PRRC2B: variants seen among roughly 807,000 people sequenced by gnomAD.
The protein encoded by PRRC2B is protein PRRC2B.
Under a neutral mutation model 242.3 loss-of-function variants are expected in PRRC2B, and 68 were observed. The ratio of observed to expected loss-of-function variants is 0.28; its 90% CI spans 0.23 to 0.34. The LOEUF (loss-of-function observed/expected upper bound fraction) is 0.34, where lower values mean the gene tolerates loss of function less well. PRRC2B is among the 10% of genes least tolerant of loss of function. The pLI is 1.00. For synonymous variants in PRRC2B, 1,228 were observed against 1,173.6 expected (o/e 1.05, Z -0.95); for missense variants, 2,835 against 2,954.8 (o/e 0.96, Z 0.94).
chr9:131,477,972 G>A, intron 17 of PRRC2B, 23 bp downstream of exon 17: 1 of 1,607,040 alleles, frequency 6.2e-7, no homozygotes, highest in Middle Eastern at 1.7e-4. Flanking sequence ...CATATCTTCA[G>A]GGGAAAGAAC....
Position 131,492,167 on chromosome 9 carries a change from A to G in PRRC2B, c.6382-2A>G, listed in dbSNP as rs1377339795. 1 of 1,612,884 alleles carries G rather than the reference A, an allele frequency of 6.2e-7. No homozygotes were observed. Among genetic ancestry groups the G allele is most frequent in the East Asian group, 2.2e-5 (1 of 44,868 alleles). On this transcript the variant is annotated splice_acceptor_variant, in intron 29 of 31. Coordinates refer to ENST00000683519, the MANE Select transcript of PRRC2B (RefSeq NM_013318.4). LOFTEE classifies it high-confidence loss of function. ...CAGCTTGTTCCTGCTTGGTCTCTCTAGCCCTCTCAGATGGAGATGAAAGGC... is the reference window on the plus strand; with the variant it reads ...CAGCTTGTTCCTGCTTGGTCTCTCTGGCCCTCTCAGATGGAGATGAAAGGC...
Position 131,401,385 on chromosome 9 carries a change from C to CT in PRRC2B, c.-52+7138dup, listed in dbSNP as rs1320362682. ...GCCACCATTCTTACCATTCTTTCTC[C>CT]TTTTTTTTTTTTTTTTGAGATAGGG... On this transcript the variant is annotated intron_variant, in intron 1 of 31. Transcript: ENST00000683519. Among the ~76,000 whole-genome samples the CT allele has an allele frequency of 8.4e-3, 1,172 of 139,058 alleles. 9 individuals are homozygous for CT. Among genetic ancestry groups the CT allele is most frequent in the Middle Eastern group, 0.027 (7 of 256 alleles). The allele number at this position is 139,058 out of a possible 152,430, so 91.2% of individuals were successfully genotyped here. A position where few individuals can be genotyped will look rare whatever the true frequency, so the allele number is the denominator to read the frequency against.
rs558429644 is a variant in PRRC2B at position 131,477,753 on chromosome 9, C to T, written c.4416C>T (p.Asp1472=). 96 of 1,601,172 alleles carry T rather than the reference C, an allele frequency of 6.0e-5. 1 individual carries two copies. The highest frequency in any genetic ancestry group is 5.1e-4 in the African/African-American group (38 of 74,880). ...CCTCTTTCCCTTACAGATCCCCAGA[C>T]GAGGCCTTGCCTGGAGGTCTTAGTG... ...GTPLKVKRSP[D]EALPGGLSGC... is the part of the protein sequence containing the mutation. Residue 1472 remains aspartate (D), a synonymous_variant, in exon 17 of 32, where the codon GAC becomes GAT. Coordinates refer to ENST00000683519, the MANE Select transcript of PRRC2B (RefSeq NM_013318.4).
At chr9:131,431,344 T>C (rs1038750412) in intron 2 of PRRC2B, among the ~76,000 whole-genome samples, 20 of 151,258 alleles carry the variant, frequency 1.3e-4, no homozygotes, top group Non-Finnish European at 2.5e-4. Flanking sequence ...GTTAGCCAGA[T>C]CGGTCTTGAT....
intron 1 of PRRC2B, among the ~76,000 whole-genome samples, chr9:131,412,790 T>C (rs1837539058): frequency 1.9e-5 from 2 of 105,676 alleles, no homozygotes; most frequent in Non-Finnish European, 4.1e-5. Flanking sequence ...AAGCATTCTC[T>C]CTCTCTCTTT....
chr9:131,458,733 C>T (rs144917418), intron 10 of PRRC2B, among the ~76,000 whole-genome samples: 3 of 152,158 alleles, frequency 2.0e-5, no homozygotes, highest in Non-Finnish European at 4.4e-5. Context: ...GAACTCCTGA[C>T]CTCAAATGAT....
intron 13 of PRRC2B, among the ~76,000 whole-genome samples, chr9:131,468,532 A>G (rs1469564155): frequency 1.3e-5 from 2 of 152,144 alleles, no homozygotes; most frequent in African/African-American, 4.8e-5. Context: ...AATTCCACCC[A>G]TCTCTCCTAG....
chr9:131,442,712 T>C (rs534358728), intron 5 of PRRC2B, among the ~76,000 whole-genome samples: 16 of 152,254 alleles, frequency 1.1e-4, no homozygotes, highest in African/African-American at 3.9e-4. Context: ...AACAAGGCAT[T>C]CCACAGGGGG....
At chr9:131,418,083 C>T (rs1204183293) in intron 1 of PRRC2B, among the ~76,000 whole-genome samples, 1 of 152,238 alleles carries the variant, frequency 6.6e-6, no homozygotes, top group Non-Finnish European at 1.5e-5. Context: ...GCCCCGGAGG[C>T]AGAGAGTTCA....
chr9:131,422,108 G>T (rs1244959297), intron 1 of PRRC2B, among the ~76,000 whole-genome samples: 2 of 152,044 alleles, frequency 1.3e-5, no homozygotes, highest in Non-Finnish European at 2.9e-5. Context: ...AGGCTGGAGT[G>T]CAGTGGCATG....
chr9:131,432,845 C>T, intron 3 of PRRC2B, 51 bp downstream of exon 3: 1 of 1,585,246 alleles, frequency 6.3e-7, no homozygotes, highest in South Asian at 1.1e-5. Flanking sequence ...CAAGGGTGGT[C>T]CCGGCATCCT....
At position 131,499,696 on chromosome 9, in the gene PRRC2B, G is replaced by C. The variant is rs2131500877; in HGVS notation, c.*3822G>C. The C allele has an allele frequency of 6.6e-6, 1 of 152,294 alleles. No homozygotes were observed. Among genetic ancestry groups the C allele is most frequent in the Non-Finnish European group, 1.5e-5 (1 of 68,034 alleles). The allele number at this position is 152,294 out of a possible 1,614,324, so 9.4% of individuals were successfully genotyped here. ...TTTCCACCCCACTTGGTGGCCTCCA[G>C]GATGGTAGTGGCACCCTCAGAGCCC... On this transcript the variant is annotated 3_prime_UTR_variant, in exon 32 of 32. Transcript: ENST00000683519.
chr9:131,430,551 GT>G (rs1838121817), intron 2 of PRRC2B, among the ~76,000 whole-genome samples: 1 of 96,812 alleles, frequency 1.0e-5, no homozygotes, highest in African/African-American at 4.3e-5. Context: ...ATATCTATAG[GT>G]GTGTGTGTAT....
At chr9:131,418,257 G>A (rs563777500) in intron 1 of PRRC2B, among the ~76,000 whole-genome samples, 10 of 152,362 alleles carry the variant, frequency 6.6e-5, no homozygotes, top group African/African-American at 2.4e-4. Context: ...GTAAGTGCAG[G>A]AGGTGACATT....
At chr9:131,470,004 G>C (rs1255995214) in intron 13 of PRRC2B, among the ~76,000 whole-genome samples, 1 of 152,090 alleles carries the variant, frequency 6.6e-6, no homozygotes, top group Admixed American at 6.6e-5. Flanking sequence ...TCGTCTGGGG[G>C]TTACGACAGG....
rs368251142 is a variant in PRRC2B, at chr9:131,475,594, C to T, written c.3465C>T (p.Asn1155=). Residue 1155 remains asparagine, a synonymous_variant, in exon 16 of 32, where the codon AAC becomes AAT. Coordinates refer to ENST00000683519, the MANE Select transcript of PRRC2B (RefSeq NM_013318.4). ...GCCGCCGGCAGAGGGGCTCCGAGAACGGGAATGAAGGCTCGCTCCTGGAGA... is the reference window on the plus strand; with the variant it reads ...GCCGCCGGCAGAGGGGCTCCGAGAATGGGAATGAAGGCTCGCTCCTGGAGA... ...PKRRRQRGSE[N]GNEGSLLERE... 3.7e-6 allele frequency: 6 copies of T among 1,612,632 alleles called. No homozygotes were observed. The highest frequency in any genetic ancestry group is 2.2e-5 in the East Asian group (1 of 44,878).
rs533423830 is a variant in PRRC2B, at chr9:131,458,191, T to C, written c.1212-973T>C. 9.9e-5 allele frequency among the ~76,000 whole-genome samples: 15 copies of C among 152,206 alleles called. No individual in the cohort carries two copies. In the East Asian group the frequency reaches 2.5e-3, roughly 26 times the overall value. ...TGTGGCACTGTTTAGTAGTCATCTTTTGTTCTTTTGAGGGGCATTTATTGA... is the reference window on the plus strand; with the variant it reads ...TGTGGCACTGTTTAGTAGTCATCTTCTGTTCTTTTGAGGGGCATTTATTGA... On this transcript the variant is annotated intron_variant, in intron 10 of 31. Coordinates refer to ENST00000683519, the MANE Select transcript of PRRC2B (RefSeq NM_013318.4).
At chr9:131,472,109 AG>A (rs1378358762) in intron 14 of PRRC2B, among the ~76,000 whole-genome samples, 1 of 152,196 alleles carries the variant, frequency 6.6e-6, no homozygotes, top group East Asian at 1.9e-4. Flanking sequence ...CTACTTTGAT[AG>A]CAATATAATA....
intron 9 of PRRC2B, among the ~76,000 whole-genome samples, chr9:131,453,656 G>A (rs375625168): frequency 3.3e-5 from 5 of 152,174 alleles, no homozygotes; most frequent in East Asian, 3.9e-4. Context: ...CTCAGCCTCC[G>A]GAGTAGCTGG....
Sources: allele counts gnomAD v4.1 joint callset (sites outside exome capture counted in the v4.1 genomes callset), GRCh38; gene constraint gnomAD v4.1.1; transcripts MANE v1.5; gene names NCBI Gene and HGNC (gene_info 2026-07-23, HGNC 2026-07-21).